The following ZNF480 variants were observed in gnomAD, a reference collection of about 807,000 sequenced individuals.
ZNF480 encodes zinc finger protein 480.
In ZNF480, 15 loss-of-function variants were observed where a neutral mutation model predicts 14.4. The ratio of observed to expected loss-of-function variants is 1.04; its 90% confidence interval spans 0.70 to 1.60. The LOEUF (loss-of-function observed/expected upper bound fraction) is 1.60. ZNF480 is among the 40% of genes most tolerant of loss of function. The probability of loss-of-function intolerance (pLI) is 0.00; values close to 1 mark genes in which losing one functional copy is unlikely to be tolerated. For synonymous variants in ZNF480, 218 were observed against 215.5 expected (o/e 1.01, Z -0.10); for missense variants, 593 against 629.7 (o/e 0.94, Z 0.62).
chr19:52,320,154 C>T (rs1983747895), intron 4 of ZNF480, among the ~76,000 whole-genome samples: 1 of 152,112 alleles, frequency 6.6e-6, no homozygotes, highest in South Asian at 2.1e-4. Flanking sequence ...TAAGTTTGCT[C>T]ATTCTTTTTG....
intron 3 of ZNF480, 90 bp downstream of exon 3, chr19:52,314,369 TTGAC>T (rs1302851225): frequency 7.7e-7 from 1 of 1,296,926 alleles, no homozygotes; most frequent in East Asian, 3.3e-5. Context: ...CCTGCATTGT[TTGAC>T]TGACATTAAG....
At chr19:52,320,643 T>A (rs1057278634) in intron 4 of ZNF480, among the ~76,000 whole-genome samples, 5 of 152,134 alleles carry the variant, frequency 3.3e-5, no homozygotes, top group Non-Finnish European at 7.4e-5. Flanking sequence ...AATACAAAAA[T>A]TAGCTGAGCA....
intron 2 of ZNF480, among the ~76,000 whole-genome samples, chr19:52,304,190 C>T (rs189944604): frequency 1.1e-4 from 17 of 152,234 alleles, no homozygotes; most frequent in African/African-American, 2.9e-4. Flanking sequence ...GGTTGTTTAC[C>T]GCAGGAATTA....
At chr19:52,307,170 T>C (rs1982976482) in intron 2 of ZNF480, among the ~76,000 whole-genome samples, 1 of 152,212 alleles carries the variant, frequency 6.6e-6, no homozygotes, top group South Asian at 2.1e-4. Flanking sequence ...TTCTTCAGTG[T>C]GCTGCCTACC....
At chr19:52,320,115 G>A (rs879496122) in intron 4 of ZNF480, among the ~76,000 whole-genome samples, 2 of 151,896 alleles carry the variant, frequency 1.3e-5, no homozygotes, top group South Asian at 4.2e-4. Context: ...TGTGCCTGGT[G>A]GAGCTGATAC....
At chr19:52,318,398 A>G (rs1475572651) in intron 4 of ZNF480, among the ~76,000 whole-genome samples, 1 of 152,184 alleles carries the variant, frequency 6.6e-6, no homozygotes, top group Non-Finnish European at 1.5e-5. Context: ...ATGAGCCACC[A>G]CATCCGGCCT....
chr19:52,299,630 G>A (rs753915275), intron 1 of ZNF480, among the ~76,000 whole-genome samples: 4 of 152,262 alleles, frequency 2.6e-5, no homozygotes, highest in South Asian at 2.1e-4. Context: ...TGACTAGCCC[G>A]ATGGAAGAAC....
Position 52,321,798 on chromosome 19 carries a change from A to G in ZNF480, c.548A>G (p.Asp183Gly). Residue 183 changes from aspartate (D) to glycine (G), a missense_variant, in exon 5 of 5, where the codon GAT becomes GGT. Asp to Gly is a moderately conservative substitution (Grantham distance 94). Transcript: ENST00000595962. ...SVKTPIFNRN[D>G]FDDSSFLPQE... ...AAAACCCCCATTTTTAATAGGAATGATTTTGATGATTCTTCATTTCTCCCA... is the reference window on the plus strand; with the variant it reads ...AAAACCCCCATTTTTAATAGGAATGGTTTTGATGATTCTTCATTTCTCCCA... 1 of 1,613,818 alleles carries G rather than the reference A, an allele frequency of 6.2e-7. No homozygotes were observed. Among genetic ancestry groups the G allele is most frequent in the Non-Finnish European group, 8.5e-7 (1 of 1,179,840 alleles).
In ZNF480 at chr19:52,314,211, T is replaced by C; in HGVS notation, c.131T>C (p.Leu44Pro). 6.3e-7 allele frequency: 1 copy of C among 1,585,482 alleles called. No individual in the cohort carries two copies. Among genetic ancestry groups the C allele is most frequent in the Non-Finnish European group, 8.6e-7 (1 of 1,161,856 alleles). ...TTCTCTCAGGCGGAGTGGAAATGCC[T>C]GGACCCTGCACAGAGGGCTTTATAC... Reference protein sequence around the residue: ...IEFSQAEWKCLDPAQRALYKD... With the variant: ...IEFSQAEWKCPDPAQRALYKD... Residue 44 changes from leucine to proline, a missense_variant, in exon 3 of 5, where the codon CTG becomes CCG. By Grantham distance (98) the Leu-to-Pro change is moderately conservative. Coordinates refer to ENST00000595962, the MANE Select transcript of ZNF480 (RefSeq NM_144684.4).
In ZNF480 at chr19:52,324,985, T is replaced by G. The variant is rs970021394; in HGVS notation, c.*2127T>G. 1 of 152,064 alleles carries G rather than the reference T, an allele frequency of 6.6e-6. No individual in the cohort carries two copies. Among genetic ancestry groups the G allele is most frequent in the Non-Finnish European group, 1.5e-5 (1 of 67,990 alleles). 9.4% of individuals were successfully genotyped at this position (152,064 alleles called of 1,614,324 possible). ...ACAGCAAAAGAAGCTATTTGCAGAC[T>G]ACAGAATGGGAGAAAATGTTTACAA... On this transcript the variant is annotated 3_prime_UTR_variant, in exon 5 of 5. Transcript: ENST00000595962.
Position 52,322,599 on chromosome 19 carries a change from C to G in ZNF480, c.1349C>G (p.Thr450Ser). ...SGLSAHLVIH[T>S]GEKPYKCSEC... The stretch of plus-strand genomic sequence containing the variant: ...CTTTCAGCCCATCTTGTAATCCACA[C>G]TGGAGAGAAGCCTTACAAATGTAGT... Residue 450 changes from threonine to serine, a missense_variant, in exon 5 of 5, where the codon ACT becomes AGT. Coordinates refer to ENST00000595962, the MANE Select transcript of ZNF480 (RefSeq NM_144684.4). The G allele has an allele frequency of 1.2e-6, 2 of 1,614,062 alleles. No homozygotes were observed. Among genetic ancestry groups the G allele is most frequent in the Non-Finnish European group, 8.5e-7 (1 of 1,180,000 alleles).
chr19:52,316,373 C>A (rs1021617869), intron 4 of ZNF480, among the ~76,000 whole-genome samples: 4 of 152,034 alleles, frequency 2.6e-5, no homozygotes, highest in African/African-American at 9.7e-5. Context: ...ATTATGGTCA[C>A]CTGCACCATG....
At chr19:52,312,456 A>G (rs776834385) in intron 2 of ZNF480, among the ~76,000 whole-genome samples, 9 of 152,292 alleles carry the variant, frequency 5.9e-5, no homozygotes, top group Middle Eastern at 3.4e-3. Context: ...CACCATGCCC[A>G]GCCATAATGA....
intron 4 of ZNF480, 78 bp downstream of exon 4, chr19:52,316,040 T>C: frequency 7.1e-7 from 1 of 1,402,952 alleles, no homozygotes; most frequent in Non-Finnish European, 9.4e-7. Flanking sequence ...CTAGTTTTGG[T>C]TTTTTATGTT....
intron 2 of ZNF480, among the ~76,000 whole-genome samples, chr19:52,311,710 G>A (rs1027494539): frequency 2.6e-5 from 4 of 152,074 alleles, no homozygotes; most frequent in Non-Finnish European, 5.9e-5. Context: ...GGAGGCTGAG[G>A]AGGGAGAAAC....
At chr19:52,308,218 C>T (rs73579038) in intron 2 of ZNF480, among the ~76,000 whole-genome samples, 1 of 151,344 alleles carries the variant, frequency 6.6e-6, no homozygotes, top group African/African-American at 2.4e-5. Flanking sequence ...AGAAGCTGCA[C>T]GTGGAAGTCA....
intron 4 of ZNF480, among the ~76,000 whole-genome samples, chr19:52,320,768 G>A (rs931399489): frequency 6.6e-6 from 1 of 152,050 alleles, no homozygotes; most frequent in African/African-American, 2.4e-5. Context: ...TCCAGCCTGG[G>A]CAACAAGAGC....
intron 2 of ZNF480, among the ~76,000 whole-genome samples, chr19:52,313,267 G>A (rs1021464435): frequency 2.0e-5 from 3 of 150,990 alleles, no homozygotes; most frequent in African/African-American, 7.3e-5. Context: ...CTCCTGAGTA[G>A]CTGGGATTAA....
Position 52,310,340 on chromosome 19 carries a change from A to G in ZNF480, c.73-3813A>G, listed in dbSNP as rs138259271. ...CCAAAATGCTGGGATTACAGGCATG[A>G]TCCCAGCACTGCACCAGGCTAATAT... is the stretch of plus-strand genomic sequence containing the variant. On this transcript the variant is annotated intron_variant, in intron 2 of 4. Coordinates refer to ENST00000595962, the MANE Select transcript of ZNF480 (RefSeq NM_144684.4). Among the ~76,000 whole-genome samples the G allele has an allele frequency of 2.1e-3, 314 of 152,330 alleles. 1 individual carries two copies. The highest frequency in any genetic ancestry group is 7.3e-3 in the African/African-American group (302 of 41,570).
Sources: allele counts gnomAD v4.1 joint callset (sites outside exome capture counted in the v4.1 genomes callset), GRCh38; gene constraint gnomAD v4.1.1; transcripts MANE v1.5; gene names NCBI Gene and HGNC (gene_info 2026-07-23, HGNC 2026-07-21).